MAST4: variants seen among roughly 807,000 people sequenced by gnomAD.
MAST4 encodes the protein microtubule-associated serine/threonine-protein kinase 4.
A neutral mutation model predicts 162.7 loss-of-function variants in MAST4; 89 were observed. The observed-to-expected ratio is 0.55, with a 90% CI of 0.46 to 0.65. The LOEUF (loss-of-function observed/expected upper bound fraction) is 0.65. Ranked by LOEUF, MAST4 falls within the 30% of genes least tolerant of loss-of-function variation. MAST4 has a pLI of 0.00. For synonymous variants in MAST4, 1,479 were observed against 1,361.1 expected (o/e 1.09, Z -1.91); for missense variants, 3,153 against 3,374.0 (o/e 0.93, Z 1.62).
chr5:67,034,006 C>T (rs1755704967), intron 4 of MAST4, among the ~76,000 whole-genome samples: 1 of 152,160 alleles, frequency 6.6e-6, no homozygotes, highest in South Asian at 2.1e-4. Flanking sequence ...TTACTCTTTA[C>T]AGCAGACCAC....
chr5:67,036,207 T>G (rs1755998702), intron 4 of MAST4, among the ~76,000 whole-genome samples: 2 of 152,160 alleles, frequency 1.3e-5, no homozygotes. Flanking sequence ...CAATAAAGTA[T>G]CCTGTTACAG....
At position 67,019,778 on chromosome 5, in the gene MAST4, C is replaced by T. The variant is rs79034340; in HGVS notation, c.675-34626C>T. 4.4e-3 allele frequency among the ~76,000 whole-genome samples: 663 copies of T among 152,088 alleles called. 9 individuals carry two copies. Among genetic ancestry groups the T allele is most frequent in the African/African-American group, 0.014 (590 of 41,500 alleles). ...AATATATGGACATCTAAGTTCTATC[C>T]GGGGAATTACTTTTTTTGAAAGTTG... On this transcript the variant is annotated intron_variant, in intron 4 of 28. Coordinates refer to ENST00000403625, the MANE Select transcript of MAST4 (RefSeq NM_001164664.2).
At chr5:66,826,249 A>G (rs898627817) in intron 3 of MAST4, among the ~76,000 whole-genome samples, 7 of 151,868 alleles carry the variant, frequency 4.6e-5, no homozygotes, top group African/African-American at 1.7e-4. Context: ...TTCATACTAG[A>G]TTTGATGGTA....
chr5:66,607,956 GTATA>G (rs1487959333), intron 1 of MAST4, among the ~76,000 whole-genome samples: 1 of 151,590 alleles, frequency 6.6e-6, no homozygotes, highest in African/African-American at 2.4e-5. Context: ...TGACAAAAAT[GTATA>G]TATTTATGGT....
chr5:66,897,949 C>T (rs866155667), intron 3 of MAST4, among the ~76,000 whole-genome samples: 6 of 152,160 alleles, frequency 3.9e-5, no homozygotes, highest in Non-Finnish European at 8.8e-5. Flanking sequence ...TTGGGTCATT[C>T]GTTTGGTCCC....
chr5:66,920,236 T>C (rs971053410), intron 4 of MAST4, among the ~76,000 whole-genome samples: 3 of 152,126 alleles, frequency 2.0e-5, no homozygotes, highest in Non-Finnish European at 4.4e-5. Flanking sequence ...TATTTTCAAA[T>C]AAGCTGCATT....
At chr5:66,682,648 A>G (rs1748404542) in intron 1 of MAST4, among the ~76,000 whole-genome samples, 1 of 152,222 alleles carries the variant, frequency 6.6e-6, no homozygotes, top group Non-Finnish European at 1.5e-5. Context: ...AGCATTAGGT[A>G]TTGTTGCCTT....
intron 7 of MAST4, among the ~76,000 whole-genome samples, chr5:67,098,175 T>C (rs1436936494): frequency 6.6e-6 from 1 of 152,180 alleles, no homozygotes; most frequent in Admixed American, 6.5e-5. Flanking sequence ...GTTGTCTGAG[T>C]GCCAGACTGA....
rs575406828 is a variant in MAST4 at position 66,768,703 on chromosome 5, A to AT, written c.517+8842dup. ...ATGAGGGATCCTTGCGATGATGGAA[A>AT]TGTTCTTTATCTTGATAGTCTCAAT... On this transcript the variant is annotated intron_variant, in intron 2 of 28. Transcript: ENST00000403625. 1.7e-4 allele frequency among the ~76,000 whole-genome samples: 26 copies of AT among 152,250 alleles called. 1 individual carries two copies. In the South Asian group the frequency reaches 4.4e-3, roughly 26 times the overall value.
chr5:66,830,407 A>C (rs1757520573), intron 3 of MAST4, among the ~76,000 whole-genome samples: 1 of 152,184 alleles, frequency 6.6e-6, no homozygotes, highest in Admixed American at 6.5e-5. Context: ...TCATTAATTA[A>C]AATAATGGAG....
intron 5 of MAST4, among the ~76,000 whole-genome samples, chr5:67,075,780 C>T (rs1761572143): frequency 6.6e-6 from 1 of 152,118 alleles, no homozygotes; most frequent in Non-Finnish European, 1.5e-5. Context: ...CTTGCTAGCA[C>T]ATTTTTAAGT....
At chr5:66,649,212 A>G (rs1319472868) in intron 1 of MAST4, among the ~76,000 whole-genome samples, 1 of 152,102 alleles carries the variant, frequency 6.6e-6, no homozygotes, top group Non-Finnish European at 1.5e-5. Context: ...AAATCCTCTT[A>G]TTTAATATGG....
At chr5:66,926,405 G>A (rs1304890220) in intron 4 of MAST4, among the ~76,000 whole-genome samples, 3 of 151,942 alleles carry the variant, frequency 2.0e-5, no homozygotes, top group Admixed American at 6.6e-5. Flanking sequence ...AAAATTAGCC[G>A]GCATGGTGGT....
At chr5:66,906,936 AG>A (rs893873918) in intron 4 of MAST4, among the ~76,000 whole-genome samples, 3 of 152,188 alleles carry the variant, frequency 2.0e-5, no homozygotes, top group Admixed American at 2.0e-4. Context: ...AGGACTACAA[AG>A]CAGGGGAACT....
intron 5 of MAST4, among the ~76,000 whole-genome samples, chr5:67,060,608 A>G (rs572530346): frequency 1.6e-4 from 25 of 151,678 alleles, no homozygotes; most frequent in African/African-American, 2.9e-4. Context: ...CTCCTGAGTA[A>G]CTGGGACTAC....
chr5:67,042,302 C>T (rs1756849786), intron 4 of MAST4, among the ~76,000 whole-genome samples: 1 of 152,158 alleles, frequency 6.6e-6, no homozygotes, highest in South Asian at 2.1e-4. Context: ...ATAACAACAG[C>T]AAGGAACACT....
At chr5:67,073,466 G>A (rs1761215326) in intron 5 of MAST4, among the ~76,000 whole-genome samples, 1 of 152,178 alleles carries the variant, frequency 6.6e-6, no homozygotes, top group Non-Finnish European at 1.5e-5. Context: ...CTCACGATAT[G>A]GGAAATTCCT....
intron 1 of MAST4, among the ~76,000 whole-genome samples, chr5:66,619,966 G>A (rs10053753): frequency 0.64 from 96,122 of 149,830 alleles, 31,110 homozygotes; most frequent in African/African-American, 0.72. Context: ...TACAAGATAT[G>A]TGGAATATAT....
chr5:66,720,668 G>GTTTATA (rs1561285284), intron 1 of MAST4, among the ~76,000 whole-genome samples: 1 of 152,012 alleles, frequency 6.6e-6, no homozygotes, highest in Non-Finnish European at 1.5e-5. Context: ...CTGTTCCACT[G>GTTTATA]TTTATATTCT....
Sources: allele counts gnomAD v4.1 joint callset (sites outside exome capture counted in the v4.1 genomes callset), GRCh38; gene constraint gnomAD v4.1.1; transcripts MANE v1.5; gene names NCBI Gene and HGNC (gene_info 2026-07-23, HGNC 2026-07-21).